FSTL4: variants seen among roughly 807,000 people sequenced by gnomAD.
FSTL4 encodes follistatin like 4, also known as follistatin-related protein 4.
Under a neutral mutation model 78.2 loss-of-function variants are expected in FSTL4, and 28 were observed. The observed-to-expected ratio is 0.36, with a 90% CI of 0.27 to 0.49. The LOEUF is 0.49. FSTL4 is among the 20% of genes least tolerant of loss of function. The probability of loss-of-function intolerance (pLI) is 0.98; values close to 1 mark genes in which losing one functional copy is unlikely to be tolerated. For synonymous variants in FSTL4, 422 were observed against 440.5 expected (o/e 0.96, Z 0.53); for missense variants, 922 against 1,084.9 (o/e 0.85, Z 2.11).
At chr5:133,498,186 C>T (rs1758411622) in intron 3 of FSTL4, among the ~76,000 whole-genome samples, 1 of 152,214 alleles carries the variant, frequency 6.6e-6, no homozygotes, top group South Asian at 2.1e-4. Flanking sequence ...GTGACTGCCT[C>T]TCCAAGCTCT....
chr5:133,315,487 G>A (rs1357509239), intron 5 of FSTL4, among the ~76,000 whole-genome samples: 1 of 152,158 alleles, frequency 6.6e-6, no homozygotes, highest in Non-Finnish European at 1.5e-5. Flanking sequence ...TCTTCCCAAT[G>A]ACCGGGCCAC....
At chr5:133,204,665 CTACAAAAAA>C (rs1446163410) in intron 14 of FSTL4, among the ~76,000 whole-genome samples, 1 of 151,966 alleles carries the variant, frequency 6.6e-6, no homozygotes. Context: ...AACCCCATCT[CTACAAAAAA>C]TACAAAAATT....
intron 5 of FSTL4, 133 bp downstream of exon 5, chr5:133,316,326 A>G: frequency 1.5e-6 from 1 of 663,894 alleles, no homozygotes; most frequent in African/African-American, 1.8e-5. Flanking sequence ...TGGTGGGAAG[A>G]ACCTGACCTC....
the FSTL4 span, among the ~76,000 whole-genome samples, chr5:133,804,813 G>A: frequency 4.5e-4 from 69 of 151,940 alleles, 1 homozygote; most frequent in Admixed American, 3.9e-3. Context: ...GCATTGTGGC[G>A]GGCGCCTGTA....
intron 6 of FSTL4, among the ~76,000 whole-genome samples, chr5:133,303,213 G>A (rs533524182): frequency 1.3e-5 from 2 of 152,338 alleles, no homozygotes; most frequent in African/African-American, 4.8e-5. Flanking sequence ...CCCAGAGTGA[G>A]GGTGTGGGGA....
chr5:133,809,773 A>G, the FSTL4 span, among the ~76,000 whole-genome samples: 481 of 152,280 alleles, frequency 3.2e-3, 6 homozygotes, highest in Non-Finnish European at 2.4e-3. Context: ...TAGAGGCTGC[A>G]TGGAAACTGG....
chr5:133,431,216 C>T (rs1756930842), intron 3 of FSTL4, among the ~76,000 whole-genome samples: 1 of 152,222 alleles, frequency 6.6e-6, no homozygotes, highest in African/African-American at 2.4e-5. Context: ...CAGGCAGCCA[C>T]TACCAAGAGA....
the FSTL4 span, among the ~76,000 whole-genome samples, chr5:133,749,148 G>C: frequency 6.6e-6 from 1 of 152,170 alleles, no homozygotes; most frequent in African/African-American, 2.4e-5. Flanking sequence ...CCACTGACTG[G>C]GCTTTGAATC....
chr5:133,274,486 AACTT>A (rs34011882), intron 6 of FSTL4, among the ~76,000 whole-genome samples: 53,328 of 147,884 alleles, frequency 0.36, 9,776 homozygotes, highest in East Asian at 0.54. Flanking sequence ...ATAACCTGTT[AACTT>A]ACTTAAACTC....
chr5:133,679,548 G>A, the FSTL4 span, among the ~76,000 whole-genome samples: 23 of 152,170 alleles, frequency 1.5e-4, no homozygotes, highest in East Asian at 3.9e-4. Flanking sequence ...CCATCACTTC[G>A]GGGAAGCCAA....
chr5:133,349,923 C>A (rs1390485580), intron 4 of FSTL4, among the ~76,000 whole-genome samples: 1 of 143,608 alleles, frequency 7.0e-6, no homozygotes, highest in Non-Finnish European at 1.5e-5. Flanking sequence ...TGTCATGCTG[C>A]CATGCGACTG....
intron 3 of FSTL4, chr5:133,457,861 G>T (rs1005203293): frequency 2.6e-5 from 4 of 152,190 alleles, no homozygotes; most frequent in African/African-American, 9.7e-5. Flanking sequence ...ATTAATCAAT[G>T]GTCTCTGCAT....
intron 3 of FSTL4, among the ~76,000 whole-genome samples, chr5:133,544,804 AG>A (rs1310213436): frequency 1.3e-5 from 2 of 152,240 alleles, no homozygotes; most frequent in Non-Finnish European, 2.9e-5. Flanking sequence ...CTGTAGGAAC[AG>A]CAGCAAGATT....
At chr5:133,675,092 G>T in the FSTL4 span, among the ~76,000 whole-genome samples, 2 of 152,050 alleles carry the variant, frequency 1.3e-5, no homozygotes, top group East Asian at 3.8e-4. Context: ...ACCTGATGGT[G>T]TTGGGGCAGG....
At chr5:133,232,164 C>T (rs538621767) in intron 8 of FSTL4, among the ~76,000 whole-genome samples, 45 of 152,286 alleles carry the variant, frequency 3.0e-4, no homozygotes, top group African/African-American at 9.9e-4. Flanking sequence ...TTATAAATCA[C>T]GTCAGTGCTC....
At chr5:133,689,726 C>G in the FSTL4 span, among the ~76,000 whole-genome samples, 3 of 152,264 alleles carry the variant, frequency 2.0e-5, no homozygotes, top group East Asian at 5.8e-4. Context: ...CCCACAAACA[C>G]AATCAGACTA....
chr5:133,754,467 G>C, the FSTL4 span, among the ~76,000 whole-genome samples: 11,280 of 152,128 alleles, frequency 0.074, 554 homozygotes, highest in African/African-American at 0.14. Flanking sequence ...ATTCACAATG[G>C]CAGAAGTTAT....
the FSTL4 span, among the ~76,000 whole-genome samples, chr5:133,837,125 A>AT: frequency 2.0e-5 from 3 of 148,360 alleles, no homozygotes; most frequent in Non-Finnish European, 3.0e-5. Flanking sequence ...ATTTCCTATC[A>AT]TTTTTTTTCT....
the FSTL4 span, among the ~76,000 whole-genome samples, chr5:133,629,022 G>A: frequency 6.9e-6 from 1 of 143,960 alleles, no homozygotes; most frequent in African/African-American, 2.6e-5. Flanking sequence ...AATAGAAGTG[G>A]TGAGAGAGGG....
Sources: gnomAD v4.1 joint callset for allele counts (sites outside exome capture counted in the v4.1 genomes callset) on GRCh38, gnomAD v4.1.1 for gene constraint, MANE v1.5 for transcripts, NCBI Gene and HGNC (gene_info 2026-07-23, HGNC 2026-07-21) for gene names.